Variants in SWAP70 observed in about 807,000 individuals in gnomAD.
SWAP70 encodes switch-associated protein 70.
SWAP70 carries 34 observed loss-of-function variants against 80.2 expected under a neutral mutation model. The observed-to-expected ratio is 0.42, with a 90% CI of 0.32 to 0.56. The LOEUF is 0.56. Among genes scored for constraint, SWAP70 ranks in the 20% least tolerant of loss-of-function variants. The pLI is 0.09. For synonymous variants in SWAP70, 239 were observed against 238.5 expected (o/e 1.00, Z -0.02); for missense variants, 578 against 690.7 (o/e 0.84, Z 1.83).
intron 2 of SWAP70, among the ~76,000 whole-genome samples, chr11:9,710,120 T>C (rs1342172481): frequency 6.6e-6 from 1 of 152,014 alleles, no homozygotes; most frequent in East Asian, 1.9e-4. Flanking sequence ...GAAAATCCAG[T>C]CCACATTTAA....
rs772255974 is a variant in SWAP70 at position 9,750,007 on chromosome 11, C to T, written c.*37C>T. The T allele has an allele frequency of 5.0e-6, 7 of 1,393,472 alleles. No individual in the cohort carries two copies. Among genetic ancestry groups the T allele is most frequent in the Admixed American group, 1.7e-5 (1 of 59,100 alleles). 86.3% of individuals were successfully genotyped at this position (1,393,472 alleles called of 1,614,324 possible). A position where few individuals can be genotyped will look rare whatever the true frequency, so the allele number is the denominator to read the frequency against. On this transcript the variant is annotated 3_prime_UTR_variant, in exon 12 of 12. Transcript: ENST00000318950. The stretch of plus-strand genomic sequence containing the variant: ...GGCAGTCACGTCAGTTATGTAGATA[C>T]TGCATGGCAGGAGAGCTTTACGCTA...
At chr11:9,668,218 T>C (rs1314248007) in intron 1 of SWAP70, among the ~76,000 whole-genome samples, 2 of 152,258 alleles carry the variant, frequency 1.3e-5, no homozygotes, top group Non-Finnish European at 2.9e-5. Flanking sequence ...CAATGGTTTC[T>C]TCATTTTCTT....
intron 1 of SWAP70, among the ~76,000 whole-genome samples, chr11:9,688,648 G>A (rs1029128447): frequency 9.9e-5 from 15 of 152,118 alleles, no homozygotes; most frequent in Non-Finnish European, 1.5e-5. Context: ...TTTAGGCAGG[G>A]GGATAACGTG....
chr11:9,727,856 G>A (rs1425942114), intron 4 of SWAP70, among the ~76,000 whole-genome samples, 197 bp from the exon 5 acceptor site: 1 of 152,098 alleles, frequency 6.6e-6, no homozygotes, highest in Non-Finnish European at 1.5e-5. Context: ...GAAATTATAT[G>A]CAAATTTTTG....
chr11:9,695,309 A>G (rs1850741758), intron 2 of SWAP70, among the ~76,000 whole-genome samples: 1 of 151,996 alleles, frequency 6.6e-6, no homozygotes, highest in Non-Finnish European at 1.5e-5. Context: ...AAAAAAAAAA[A>G]TACGTGCACA....
At chr11:9,671,947 A>G (rs1850416158) in intron 1 of SWAP70, among the ~76,000 whole-genome samples, 1 of 111,556 alleles carries the variant, frequency 9.0e-6, no homozygotes, top group Non-Finnish European at 1.6e-5. Flanking sequence ...AATATATTTT[A>G]TAATATATAA....
intron 2 of SWAP70, among the ~76,000 whole-genome samples, chr11:9,710,152 C>T (rs1285489599): frequency 1.3e-5 from 2 of 152,108 alleles, no homozygotes; most frequent in Admixed American, 1.3e-4. Flanking sequence ...AAGTTCAAAC[C>T]TATGTTGTTC....
At chr11:9,721,853 T>C (rs570130598) in intron 3 of SWAP70, among the ~76,000 whole-genome samples, 1 of 152,302 alleles carries the variant, frequency 6.6e-6, no homozygotes, top group East Asian at 1.9e-4. Flanking sequence ...TTAAAATATG[T>C]TATTTTACAA....
At chr11:9,728,267 CCTT>C in intron 5 of SWAP70, 68 bp downstream of exon 5, 1 of 1,398,276 alleles carries the variant, frequency 7.2e-7, no homozygotes. Context: ...TAGCTTCTCA[CCTT>C]CTTCCACCTA....
chr11:9,686,787 C>T (rs181772452), intron 1 of SWAP70, among the ~76,000 whole-genome samples: 2 of 152,260 alleles, frequency 1.3e-5, no homozygotes, highest in Non-Finnish European at 2.9e-5. Context: ...TTCCTATTCA[C>T]AGGTATTTGA....
chr11:9,707,887 T>A lies in SWAP70; in HGVS notation c.241-5579T>A, dbSNP rs562830738. 6.3e-4 allele frequency among the ~76,000 whole-genome samples: 95 copies of A among 150,440 alleles called. 1 individual carries two copies. The highest frequency in any genetic ancestry group is 1.0e-3 in the African/African-American group (41 of 40,600). ...TTCTTTTAAAAAATTTAAAAAAAAA[T>A]TTTTTTAAACTTTAATAGTTTTGGG... On this transcript the variant is annotated intron_variant, in intron 2 of 11. Transcript: ENST00000318950.
At chr11:9,718,400 AGG>A in intron 3 of SWAP70, among the ~76,000 whole-genome samples, 1 of 150,056 alleles carries the variant, frequency 6.7e-6, no homozygotes, top group Admixed American at 6.6e-5. Flanking sequence ...TACCCTCCTG[AGG>A]TTAATCACAT....
chr11:9,691,967 C>T (rs796739982), intron 1 of SWAP70, among the ~76,000 whole-genome samples: 9 of 152,230 alleles, frequency 5.9e-5, no homozygotes, highest in African/African-American at 1.7e-4. Context: ...CTAAAGCTAT[C>T]CTTACCTATC....
chr11:9,682,749 G>A (rs968710572), intron 1 of SWAP70, among the ~76,000 whole-genome samples: 5 of 152,000 alleles, frequency 3.3e-5, no homozygotes, highest in African/African-American at 4.8e-5. Context: ...CAATCTGTGC[G>A]CACTGCAACC....
intron 1 of SWAP70, among the ~76,000 whole-genome samples, chr11:9,671,786 T>TAAATATA (rs202131469): frequency 3.9e-5 from 3 of 76,708 alleles, no homozygotes; most frequent in East Asian, 4.8e-4. Context: ...TAATATATTA[T>TAAATATA]TATTTATAAA....
chr11:9,712,729 T>G (rs1851014053), intron 2 of SWAP70, among the ~76,000 whole-genome samples: 1 of 143,700 alleles, frequency 7.0e-6, no homozygotes, highest in Non-Finnish European at 1.5e-5. Flanking sequence ...AGAAGGTATC[T>G]TCTTCCTTTT....
chr11:9,698,091 ATGTTTTT>A (rs1331181577), intron 2 of SWAP70, among the ~76,000 whole-genome samples: 3 of 107,126 alleles, frequency 2.8e-5, no homozygotes, highest in Admixed American at 1.1e-4. Context: ...TGGCCAATAC[ATGTTTTT>A]TGTTTTTTTT....
chr11:9,697,401 GCCT>G (rs918859193), intron 2 of SWAP70, among the ~76,000 whole-genome samples: 2 of 151,466 alleles, frequency 1.3e-5, no homozygotes, highest in African/African-American at 2.4e-5. Flanking sequence ...TCCTGGCTTA[GCCT>G]CCTGAGTAGC....
intron 1 of SWAP70, among the ~76,000 whole-genome samples, chr11:9,682,770 G>A (rs924128547): frequency 6.6e-6 from 1 of 152,064 alleles, no homozygotes; most frequent in Non-Finnish European, 1.5e-5. Flanking sequence ...TCCGCCTCCC[G>A]GGTTCAAGTG....
Sources: gnomAD v4.1 joint callset for allele counts (sites outside exome capture counted in the v4.1 genomes callset) on GRCh38, gnomAD v4.1.1 for gene constraint, MANE v1.5 for transcripts, NCBI Gene and HGNC (gene_info 2026-07-23, HGNC 2026-07-21) for gene names.